DDX10: variants seen among roughly 807,000 people sequenced by gnomAD.
The protein encoded by DDX10 is DEAD-box helicase 10, also known as probable ATP-dependent RNA helicase DDX10.
A neutral mutation model predicts 104.3 loss-of-function variants in DDX10; 74 were observed. The observed-to-expected ratio is 0.71, with a 90% CI of 0.59 to 0.86. DDX10 has a LOEUF of 0.86. DDX10 is among the 40% of genes least tolerant of loss of function. DDX10 has a pLI of 0.00. For missense variants in DDX10, 952 were observed against 1,040.0 expected (o/e 0.92, Z 1.16); for synonymous variants, 351 against 353.4 (o/e 0.99, Z 0.08).
chr11:108,726,035 A>C (rs1311537704), intron 13 of DDX10, among the ~76,000 whole-genome samples: 1 of 151,916 alleles, frequency 6.6e-6, no homozygotes, highest in East Asian at 1.9e-4. Context: ...GTTTGGAAAA[A>C]ACTATGCTTT....
intron 16 of DDX10, among the ~76,000 whole-genome samples, chr11:108,862,690 A>G (rs1862956831): frequency 6.6e-6 from 1 of 152,234 alleles, no homozygotes; most frequent in South Asian, 2.1e-4. Flanking sequence ...CGTAGTCGTC[A>G]TTCTGCTGTT....
At chr11:108,707,628 G>A (rs2094277967) in intron 10 of DDX10, among the ~76,000 whole-genome samples, 1 of 152,166 alleles carries the variant, frequency 6.6e-6, no homozygotes, top group Non-Finnish European at 1.5e-5. Flanking sequence ...TTGCCATAAA[G>A]GCTAGTAAGT....
chr11:108,863,202 A>G (rs1414330361), intron 16 of DDX10, among the ~76,000 whole-genome samples: 1 of 152,202 alleles, frequency 6.6e-6, no homozygotes, highest in Admixed American at 6.5e-5. Flanking sequence ...AGAGTTTACG[A>G]TCTTATTAAG....
chr11:108,717,371 G>A (rs559239230), intron 11 of DDX10, among the ~76,000 whole-genome samples: 54 of 152,264 alleles, frequency 3.5e-4, no homozygotes, highest in African/African-American at 1.2e-3. Context: ...GTGCAATGGC[G>A]TGATCTTGGC....
chr11:108,900,176 T>C (rs578260425), intron 16 of DDX10, among the ~76,000 whole-genome samples: 138 of 152,206 alleles, frequency 9.1e-4, no homozygotes, highest in Non-Finnish European at 1.6e-3. Context: ...TGTGAGACAC[T>C]GGCTCTCCCT....
chr11:108,819,212 A>G (rs1403480369), intron 13 of DDX10, among the ~76,000 whole-genome samples: 1 of 152,124 alleles, frequency 6.6e-6, no homozygotes, highest in African/African-American at 2.4e-5. Flanking sequence ...GCCCAGAGTT[A>G]TCACTGAAGC....
At chr11:108,755,197 C>T (rs1360930587) in intron 13 of DDX10, among the ~76,000 whole-genome samples, 1 of 152,006 alleles carries the variant, frequency 6.6e-6, no homozygotes, top group Non-Finnish European at 1.5e-5. Flanking sequence ...AGAACGTGCT[C>T]TTAATCAACA....
At chr11:108,728,762 C>T (rs1175407066) in intron 13 of DDX10, among the ~76,000 whole-genome samples, 6 of 152,114 alleles carry the variant, frequency 3.9e-5, no homozygotes, top group African/African-American at 1.4e-4. Context: ...AAGTGATCCT[C>T]TCACCTTGGC....
At chr11:108,883,283 A>T (rs1222812893) in intron 16 of DDX10, among the ~76,000 whole-genome samples, 2 of 152,158 alleles carry the variant, frequency 1.3e-5, no homozygotes, top group Admixed American at 6.5e-5. Context: ...GAATCTCTGA[A>T]ATTACTACTG....
At chr11:108,688,880 A>T in intron 6 of DDX10, 56 bp from the exon 7 acceptor site, 6 of 1,566,210 alleles carry the variant, frequency 3.8e-6, no homozygotes, top group Admixed American at 1.8e-5. Flanking sequence ...TTTGGTCTGG[A>T]TTTCAGTTAC....
At chr11:108,927,281 A>G (rs780403576) in intron 17 of DDX10, among the ~76,000 whole-genome samples, 6 of 152,170 alleles carry the variant, frequency 3.9e-5, no homozygotes, top group Admixed American at 2.0e-4. Context: ...AGTGATGTCA[A>G]TCCCCTATTT....
chr11:108,764,698 G>C (rs148617225), intron 13 of DDX10, among the ~76,000 whole-genome samples: 7 of 152,158 alleles, frequency 4.6e-5, no homozygotes, highest in African/African-American at 1.4e-4. Context: ...GAACAGAATA[G>C]CTACCCTGAT....
chr11:108,834,939 A>AAAAC (rs1229611854), intron 13 of DDX10, among the ~76,000 whole-genome samples: 1 of 150,854 alleles, frequency 6.6e-6, no homozygotes, highest in Non-Finnish European at 1.5e-5. Context: ...AAAAAAAAAA[A>AAAAC]AAAAAAAAAA....
Position 108,915,949 on chromosome 11 carries a change from T to TA in DDX10, c.2305-1904dup, listed in dbSNP as rs34651677. The stretch of plus-strand genomic sequence containing the variant: ...GACATTAAAGAGACTTGCAAAAATG[T>TA]AAAAAAAAAAAAAAAAAAAAGTTCT... On this transcript the variant is annotated intron_variant, in intron 16 of 17. Transcript: ENST00000322536. 3.6e-3 allele frequency among the ~76,000 whole-genome samples: 461 copies of TA among 127,692 alleles called. 1 individual carries two copies. The highest frequency in any genetic ancestry group is 0.013 in the African/African-American group (439 of 34,082). 83.8% of individuals were successfully genotyped at this position (127,692 alleles called of 152,430 possible).
At chr11:108,921,106 G>A (rs1411515381) in intron 17 of DDX10, 1 of 152,148 alleles carries the variant, frequency 6.6e-6, no homozygotes, top group African/African-American at 2.4e-5. Context: ...GCCATTCCTG[G>A]ACTAGCAGGC....
chr11:108,924,011 A>G (rs1863875665), intron 17 of DDX10, among the ~76,000 whole-genome samples: 1 of 152,138 alleles, frequency 6.6e-6, no homozygotes, highest in African/African-American at 2.4e-5. Flanking sequence ...CTGAGCATAT[A>G]AGATTAATTT....
intron 17 of DDX10, among the ~76,000 whole-genome samples, chr11:108,931,366 G>C (rs1863973568): frequency 6.6e-6 from 1 of 152,202 alleles, no homozygotes; most frequent in South Asian, 2.1e-4. Context: ...TTGGCACCCT[G>C]TGACGTTCAG....
intron 16 of DDX10, among the ~76,000 whole-genome samples, chr11:108,885,059 C>T (rs1008712570): frequency 5.9e-5 from 9 of 152,140 alleles, no homozygotes; most frequent in Admixed American, 5.9e-4. Flanking sequence ...TGTCCAAATT[C>T]CATTTACAGA....
chr11:108,765,490 T>C (rs2094355408), intron 13 of DDX10, among the ~76,000 whole-genome samples: 1 of 152,230 alleles, frequency 6.6e-6, no homozygotes, highest in Admixed American at 6.5e-5. Flanking sequence ...GCTCTGTCTT[T>C]AAGTTTGGCC....
Sources: gnomAD v4.1 joint callset for allele counts (sites outside exome capture counted in the v4.1 genomes callset) on GRCh38, gnomAD v4.1.1 for gene constraint, MANE v1.5 for transcripts, NCBI Gene and HGNC (gene_info 2026-07-23, HGNC 2026-07-21) for gene names.